The following ARL9 variants were observed in gnomAD, a reference collection of about 807,000 sequenced individuals.
ARL9 encodes ADP-ribosylation factor-like protein 9.
Under a neutral mutation model 27.0 loss-of-function variants are expected in ARL9, and 14 were observed. The observed-to-expected ratio is 0.52, with a 90% CI of 0.34 to 0.81. The LOEUF is 0.81. ARL9 is among the 30% of genes least tolerant of loss of function. ARL9 has a pLI of 0.01. For synonymous variants in ARL9, 106 were observed against 108.7 expected (o/e 0.98, Z 0.15); for missense variants, 294 against 290.0 (o/e 1.01, Z -0.10).
rs1200204295 is a variant in ARL9, at chr4:56,524,359, C to CCAAAA, written c.*483_*484insCAAAA. 6.5e-6 allele frequency: 1 copy of CCAAAA among 152,836 alleles called. No individual in the cohort carries two copies. Among genetic ancestry groups the CCAAAA allele is most frequent in the Admixed American group, 6.5e-5 (1 of 15,336 alleles). The allele number at this position is 152,836 out of a possible 1,614,324, so 9.5% of individuals were successfully genotyped here. ...GATAATGCTAACATAATAACAGCAT[C>CCAAAA]TCTATTTGGATTTTGAATGTTAAAA... On this transcript the variant is annotated 3_prime_UTR_variant, in exon 4 of 4. Transcript: ENST00000640821.
chr4:56,521,201 A>G lies in ARL9; in HGVS notation c.618+2348A>G, dbSNP rs570055955. 4.2e-3 allele frequency among the ~76,000 whole-genome samples: 599 copies of G among 143,008 alleles called. 2 individuals are homozygous for G. Among genetic ancestry groups the G allele is most frequent in the Non-Finnish European group, 7.3e-3 (482 of 66,480 alleles). 93.8% of individuals were successfully genotyped at this position (143,008 alleles called of 152,430 possible). A position where few individuals can be genotyped will look rare whatever the true frequency, so the allele number is the denominator to read the frequency against. On this transcript the variant is annotated intron_variant, in intron 3 of 3. Transcript: ENST00000640821. Reference sequence around the variant, plus strand: ...ACTCCAGCCTGGGTGACAGAGTGACACTCCGCCCCAAAAAACAAAAAAAAA... The same window carrying G: ...ACTCCAGCCTGGGTGACAGAGTGACGCTCCGCCCCAAAAAACAAAAAAAAA...
chr4:56,512,526 AAATC>A (rs1721665224), intron 2 of ARL9, among the ~76,000 whole-genome samples: 1 of 150,258 alleles, frequency 6.7e-6, no homozygotes, highest in South Asian at 2.1e-4. Flanking sequence ...TGGCCCCACA[AAATC>A]AATCATTCTT....
intron 1 of ARL9, among the ~76,000 whole-genome samples, chr4:56,507,725 G>A (rs1721506689): frequency 1.3e-5 from 2 of 151,366 alleles, no homozygotes; most frequent in Admixed American, 6.6e-5. Flanking sequence ...TGTAATCCCG[G>A]CACTTTGGGA....
chr4:56,507,722 C>T (rs1313088763), intron 1 of ARL9, among the ~76,000 whole-genome samples: 1 of 151,448 alleles, frequency 6.6e-6, no homozygotes, highest in Non-Finnish European at 1.5e-5. Flanking sequence ...ACCTGTAATC[C>T]CGGCACTTTG....
chr4:56,520,258 C>A (rs190795348), intron 3 of ARL9, among the ~76,000 whole-genome samples: 5 of 152,304 alleles, frequency 3.3e-5, no homozygotes, highest in Admixed American at 3.3e-4. Context: ...CCACCTGGGC[C>A]TCCCAAAGTT....
At chr4:56,521,988 CTTTTCTTTTT>C (rs1269458387) in intron 3 of ARL9, among the ~76,000 whole-genome samples, 1 of 149,872 alleles carries the variant, frequency 6.7e-6, no homozygotes, top group Non-Finnish European at 1.5e-5. Context: ...CTTTTCTTTT[CTTTTCTTTTT>C]TTTTTTTGAC....
rs990692109 is a variant in ARL9, at chr4:56,511,095, A to C, written c.280-90A>C. 5 of 1,270,092 alleles carry C rather than the reference A, an allele frequency of 3.9e-6. No individual in the cohort carries two copies. The African/African-American group carries it at 7.6e-5, about 19-fold the overall frequency. The allele number at this position is 1,270,092 out of a possible 1,614,324, so 78.7% of individuals were successfully genotyped here. A position where few individuals can be genotyped will look rare whatever the true frequency, so the allele number is the denominator to read the frequency against. ...GCCCGTGGAGTTTTATTCTGGTTACAGTTCCAAGAATATTATTGGATTCTG... is the reference window on the plus strand; with the variant it reads ...GCCCGTGGAGTTTTATTCTGGTTACCGTTCCAAGAATATTATTGGATTCTG... On this transcript the variant is annotated intron_variant, in intron 1 of 3. Coordinates refer to ENST00000640821, the MANE Select transcript of ARL9 (RefSeq NM_001363794.2).
intron 2 of ARL9, among the ~76,000 whole-genome samples, chr4:56,513,980 G>T (rs1165302695): frequency 6.6e-6 from 1 of 152,090 alleles, no homozygotes; most frequent in East Asian, 1.9e-4. Flanking sequence ...GAACAACCTG[G>T]GCAATATGGC....
chr4:56,510,403 AC>A (rs1721603862), intron 1 of ARL9, among the ~76,000 whole-genome samples: 1 of 152,010 alleles, frequency 6.6e-6, no homozygotes, highest in African/African-American at 2.4e-5. Flanking sequence ...CTGAGATCTT[AC>A]AATCTAGTTA....
At chr4:56,518,923 C>A in intron 3 of ARL9, 70 bp downstream of exon 3, 1 of 1,385,358 alleles carries the variant, frequency 7.2e-7, no homozygotes. Flanking sequence ...CTTTTAATAC[C>A]TAGATAGTCA....
intron 3 of ARL9, among the ~76,000 whole-genome samples, chr4:56,519,765 A>G (rs1721867645): frequency 6.6e-6 from 1 of 152,114 alleles, no homozygotes; most frequent in African/African-American, 2.4e-5. Flanking sequence ...GTTTTTTATG[A>G]TATGTTCATA....
chr4:56,511,654 AG>A (rs1268895531), intron 2 of ARL9, among the ~76,000 whole-genome samples: 3 of 152,212 alleles, frequency 2.0e-5, no homozygotes, highest in African/African-American at 7.2e-5. Flanking sequence ...ATGCAATCTA[AG>A]TGTAAGTACA....
intron 2 of ARL9, among the ~76,000 whole-genome samples, chr4:56,512,304 A>C (rs1045371830): frequency 6.7e-6 from 1 of 149,078 alleles, no homozygotes; most frequent in Non-Finnish European, 1.5e-5. Context: ...TGGAGATCTC[A>C]TCCTTGTAAT....
At chr4:56,508,176 T>G (rs1323545818) in intron 1 of ARL9, among the ~76,000 whole-genome samples, 1 of 151,888 alleles carries the variant, frequency 6.6e-6, no homozygotes, top group African/African-American at 2.4e-5. Flanking sequence ...GTGCCAGTAT[T>G]GCTTTAAAAC....
intron 2 of ARL9, 75 bp from the exon 3 acceptor site, chr4:56,518,603 G>A (rs1721828612): frequency 1.5e-6 from 2 of 1,308,244 alleles, no homozygotes; most frequent in Non-Finnish European, 1.1e-6. Flanking sequence ...ATCTAGATGT[G>A]CCCTCCCTGC....
At chr4:56,514,529 G>GTATA (rs1263107706) in intron 2 of ARL9, among the ~76,000 whole-genome samples, 3 of 152,164 alleles carry the variant, frequency 2.0e-5, no homozygotes, top group African/African-American at 7.2e-5. Flanking sequence ...GATGACAAGA[G>GTATA]TATAATACCT....
chr4:56,518,604 C>G, intron 2 of ARL9, 74 bp from the exon 3 acceptor site: 5 of 1,321,080 alleles, frequency 3.8e-6, no homozygotes, highest in Non-Finnish European at 5.3e-6. Flanking sequence ...TCTAGATGTG[C>G]CCTCCCTGCT....
intron 1 of ARL9, among the ~76,000 whole-genome samples, chr4:56,508,434 G>A (rs1011113367): frequency 6.6e-6 from 1 of 151,960 alleles, no homozygotes; most frequent in African/African-American, 2.4e-5. Flanking sequence ...CCAGGCTGGA[G>A]TGCAATGGCG....
intron 1 of ARL9, among the ~76,000 whole-genome samples, chr4:56,510,330 G>T (rs1300102938): frequency 2.1e-5 from 3 of 145,382 alleles, no homozygotes; most frequent in Non-Finnish European, 4.5e-5. Flanking sequence ...ACTCCAGCCT[G>T]GGTGACAGAG....
Sources: gnomAD v4.1 joint callset for allele counts (sites outside exome capture counted in the v4.1 genomes callset) on GRCh38, gnomAD v4.1.1 for gene constraint, MANE v1.5 for transcripts, NCBI Gene and HGNC (gene_info 2026-07-23, HGNC 2026-07-21) for gene names.